The following PID1 variants were observed in gnomAD, a reference collection of about 807,000 sequenced individuals.
The protein encoded by PID1 is PTB-containing, cubilin and LRP1-interacting protein.
Under a neutral mutation model 19.1 loss-of-function variants are expected in PID1, and 10 were observed. That is an observed-to-expected ratio of 0.52 (90% CI 0.32 to 0.89). The LOEUF (loss-of-function observed/expected upper bound fraction) is 0.89. PID1 is among the 40% of genes least tolerant of loss of function. The probability of loss-of-function intolerance (pLI) is 0.03; values close to 1 mark genes in which losing one functional copy is unlikely to be tolerated. For synonymous variants in PID1, 130 were observed against 116.0 expected, an observed-to-expected ratio of 1.12 and a Z score of -0.78; for missense variants, 248 against 285.3, an observed-to-expected ratio of 0.87 and a Z score of 0.94.
At chr2:229,064,205 G>A (rs188585012) in intron 2 of PID1, among the ~76,000 whole-genome samples, 19 of 152,242 alleles carry the variant, frequency 1.2e-4, no homozygotes, top group East Asian at 3.9e-4. Context: ...TGGAGGCAGC[G>A]AAGCAAGGTA....
chr2:229,188,905 ATCTATATAAAG>A (rs1283425887), intron 1 of PID1, among the ~76,000 whole-genome samples: 1 of 152,178 alleles, frequency 6.6e-6, no homozygotes, highest in Non-Finnish European at 1.5e-5. Flanking sequence ...CTTTTTAAAT[ATCTATATAAAG>A]TCTGTTTTTC....
chr2:229,060,499 T>A (rs978582207), intron 2 of PID1, among the ~76,000 whole-genome samples: 1 of 152,162 alleles, frequency 6.6e-6, no homozygotes, highest in African/African-American at 2.4e-5. Context: ...ATATACCACA[T>A]TCTCTTTATC....
chr2:229,113,959 T>C (rs1695354888), intron 2 of PID1, among the ~76,000 whole-genome samples: 1 of 152,164 alleles, frequency 6.6e-6, no homozygotes, highest in African/African-American at 2.4e-5. Flanking sequence ...CCTTCCATAA[T>C]GGGAGTCAGT....
intron 1 of PID1, among the ~76,000 whole-genome samples, chr2:229,223,867 C>T (rs7579681): frequency 0.037 from 5,688 of 152,212 alleles, 299 homozygotes; most frequent in African/African-American, 0.12. Flanking sequence ...GGGTTTCTAG[C>T]GGACACATCG....
intron 2 of PID1, among the ~76,000 whole-genome samples, chr2:229,105,170 T>C (rs1313469044): frequency 6.6e-6 from 1 of 152,220 alleles, no homozygotes; most frequent in Non-Finnish European, 1.5e-5. Context: ...TATCACATAA[T>C]TTATCTCCAT....
chr2:229,241,334 T>C (rs988112270), intron 1 of PID1, among the ~76,000 whole-genome samples: 1 of 152,184 alleles, frequency 6.6e-6, no homozygotes, highest in Non-Finnish European at 1.5e-5. Context: ...TATTGATTTG[T>C]GTTTTAAAAA....
At chr2:229,167,818 A>G (rs1418061659) in intron 1 of PID1, among the ~76,000 whole-genome samples, 1 of 152,176 alleles carries the variant, frequency 6.6e-6, no homozygotes, top group Non-Finnish European at 1.5e-5. Flanking sequence ...ATTGAAATCT[A>G]ACATTATTTT....
At chr2:229,080,293 C>A (rs934552522) in intron 2 of PID1, among the ~76,000 whole-genome samples, 4 of 152,168 alleles carry the variant, frequency 2.6e-5, no homozygotes, top group Admixed American at 2.0e-4. Flanking sequence ...TTCTACCTAC[C>A]TTTGTAGCCT....
At chr2:229,076,291 A>G (rs570008891) in intron 2 of PID1, among the ~76,000 whole-genome samples, 4 of 151,798 alleles carry the variant, frequency 2.6e-5, no homozygotes, top group South Asian at 2.1e-4. Flanking sequence ...CTTCTCCCCA[A>G]TCCTCAATCA....
At chr2:229,050,019 T>C (rs1289165079) in intron 2 of PID1, among the ~76,000 whole-genome samples, 1 of 152,144 alleles carries the variant, frequency 6.6e-6, no homozygotes, top group African/African-American at 2.4e-5. Context: ...AAAATTTCTA[T>C]AAACGTTAAT....
At chr2:229,030,291 G>T (rs28845526) in intron 2 of PID1, among the ~76,000 whole-genome samples, 28,995 of 152,126 alleles carry the variant, frequency 0.19, 2,900 homozygotes, top group African/African-American at 0.23. Context: ...TTCAATGGGT[G>T]CAGAGTTTCA....
intron 2 of PID1, among the ~76,000 whole-genome samples, chr2:229,101,521 A>G (rs1239740712): frequency 6.6e-6 from 1 of 152,224 alleles, no homozygotes; most frequent in Non-Finnish European, 1.5e-5. Context: ...CAGCCAGTAT[A>G]TTCACTCTAA....
chr2:229,227,487 C>T (rs1194115188), intron 1 of PID1, among the ~76,000 whole-genome samples: 3 of 152,180 alleles, frequency 2.0e-5, no homozygotes, highest in African/African-American at 7.2e-5. Flanking sequence ...AAGTTACAGA[C>T]CTTTCAGGGG....
intron 1 of PID1, among the ~76,000 whole-genome samples, chr2:229,181,628 A>C (rs1690948989): frequency 6.6e-6 from 1 of 152,210 alleles, no homozygotes; most frequent in African/African-American, 2.4e-5. Context: ...TAATCAAAAG[A>C]TCCAAATTTA....
Position 229,031,176 on chromosome 2 carries a change from A to G in PID1, c.178-5068T>C, listed in dbSNP as rs1436896243. On this transcript the variant is annotated intron_variant, in intron 2 of 2. Transcript: ENST00000392055. ...GGTTGCAGTGAGCTGAGATCGTGCT[A>G]CTGCACTCCAACCTGGGCAGCATAA... Among the ~76,000 whole-genome samples, 6 of 142,244 alleles carry G rather than the reference A, an allele frequency of 4.2e-5. No homozygotes were observed. In the East Asian group the frequency reaches 1.3e-3, roughly 30 times the overall value. 93.3% of individuals were successfully genotyped at this position (142,244 alleles called of 152,430 possible). A position where few individuals can be genotyped will look rare whatever the true frequency, so the allele number is the denominator to read the frequency against.
At chr2:229,057,454 TAA>T (rs33998510) in intron 2 of PID1, among the ~76,000 whole-genome samples, 12,261 of 119,824 alleles carry the variant, frequency 0.1, 602 homozygotes, top group Middle Eastern at 0.21. Flanking sequence ...AAACTCTGTC[TAA>T]AAAAAAAAAA....
intron 2 of PID1, among the ~76,000 whole-genome samples, chr2:229,110,169 G>A (rs1030989527): frequency 5.9e-5 from 9 of 152,176 alleles, no homozygotes; most frequent in South Asian, 4.1e-4. Context: ...TAGGTTTTAC[G>A]TGATTTAATC....
chr2:229,128,595 C>T (rs1052678128), intron 2 of PID1, among the ~76,000 whole-genome samples: 8 of 151,924 alleles, frequency 5.3e-5, no homozygotes, highest in East Asian at 3.8e-4. Flanking sequence ...ATTAGACAAA[C>T]GCTATACAAA....
At chr2:229,251,944 T>TAAAAAAAAAAAAAAAAAAAAAAACAA (rs11284650) in intron 1 of PID1, among the ~76,000 whole-genome samples, 1 of 71,474 alleles carries the variant, frequency 1.4e-5, no homozygotes, top group Non-Finnish European at 2.9e-5. Flanking sequence ...AACCATAAGC[T>TAAAAAAAAAAAAAAAAAAAAAAACAA]AAAAAAAAAA....
Sources: gnomAD v4.1 joint callset for allele counts (sites outside exome capture counted in the v4.1 genomes callset) on GRCh38, gnomAD v4.1.1 for gene constraint, MANE v1.5 for transcripts, NCBI Gene and HGNC (gene_info 2026-07-23, HGNC 2026-07-21) for gene names.